PICALM: variants seen among roughly 807,000 people sequenced by gnomAD.
PICALM encodes phosphatidylinositol binding clathrin assembly protein.
Under a neutral mutation model 80.5 loss-of-function variants are expected in PICALM, and 40 were observed. The ratio of observed to expected loss-of-function variants is 0.50; its 90% CI spans 0.39 to 0.65. The LOEUF is 0.65. Among genes scored for constraint, PICALM ranks in the 30% least tolerant of loss-of-function variants. PICALM has a pLI of 0.00. For missense variants in PICALM, 676 were observed against 778.9 expected, an observed-to-expected ratio of 0.87 and a Z score of 1.57; for synonymous variants, 288 against 260.3, an observed-to-expected ratio of 1.11 and a Z score of -1.02.
chr11:86,000,893 T>G, intron 10 of PICALM, 114 bp from the exon 11 acceptor site: 1 of 1,483,642 alleles, frequency 6.7e-7, no homozygotes, highest in Non-Finnish European at 9.2e-7. Context: ...TTTACCTAAT[T>G]CTATGTCAGG....
At chr11:86,013,577 AAAC>A (rs2095434226) in intron 5 of PICALM, among the ~76,000 whole-genome samples, 1 of 152,182 alleles carries the variant, frequency 6.6e-6, no homozygotes, top group Non-Finnish European at 1.5e-5. Context: ...AAAACAGAAT[AAAC>A]ATCTATCAAC....
At chr11:86,057,266 C>T (rs895339868) in intron 1 of PICALM, among the ~76,000 whole-genome samples, 1 of 152,136 alleles carries the variant, frequency 6.6e-6, no homozygotes. Flanking sequence ...GGGCCAGGCG[C>T]GGTGGCTCAC....
At chr11:85,981,303 C>G (rs1417603146) in intron 16 of PICALM, 75 bp from the exon 17 acceptor site, 2 of 868,352 alleles carry the variant, frequency 2.3e-6, no homozygotes, top group Non-Finnish European at 3.8e-6. Flanking sequence ...TTATATAGAA[C>G]AGAGTAAGAT....
At chr11:86,022,775 T>C (rs919910859) in intron 3 of PICALM, among the ~76,000 whole-genome samples, 1 of 129,328 alleles carries the variant, frequency 7.7e-6, no homozygotes, top group Non-Finnish European at 1.6e-5. Flanking sequence ...AGAAAAACGT[T>C]CTTTTACACA....
chr11:85,995,217 TAAGAC>T (rs1205911726), intron 12 of PICALM, among the ~76,000 whole-genome samples: 1 of 152,202 alleles, frequency 6.6e-6, no homozygotes, highest in Non-Finnish European at 1.5e-5. Context: ...ATATGAAAGT[TAAGAC>T]AGGATTTAAT....
intron 11 of PICALM, among the ~76,000 whole-genome samples, chr11:85,999,333 C>T (rs1265545984): frequency 6.6e-6 from 1 of 152,116 alleles, no homozygotes; most frequent in Admixed American, 6.5e-5. Context: ...GTAAGATTTG[C>T]CCTTAATTAC....
At chr11:86,049,782 C>A (rs575675129) in intron 1 of PICALM, among the ~76,000 whole-genome samples, 3 of 151,528 alleles carry the variant, frequency 2.0e-5, no homozygotes, top group East Asian at 3.9e-4. Context: ...TTCTGCCCAT[C>A]CCCTTCCAAA....
intron 1 of PICALM, among the ~76,000 whole-genome samples, chr11:86,061,351 A>AAG (rs2096362437): frequency 6.9e-6 from 1 of 144,986 alleles, no homozygotes; most frequent in African/African-American, 2.6e-5. Context: ...AAAAAAAAAA[A>AAG]AAAAGAAAAG....
intron 6 of PICALM, among the ~76,000 whole-genome samples, chr11:86,011,853 T>G (rs1033923334): frequency 6.7e-6 from 1 of 148,848 alleles, no homozygotes; most frequent in African/African-American, 2.4e-5. Flanking sequence ...TCCTTTTTGT[T>G]TTTTTTTTTT....
chr11:86,038,728 G>C (rs960817513), intron 1 of PICALM, among the ~76,000 whole-genome samples: 8 of 148,062 alleles, frequency 5.4e-5, no homozygotes, highest in African/African-American at 2.0e-4. Flanking sequence ...TGCGAGCTGA[G>C]ATCACACCAC....
intron 3 of PICALM, chr11:86,023,595 C>T: frequency 6.1e-6 from 6 of 982,990 alleles, no homozygotes; most frequent in Non-Finnish European, 7.2e-6. Context: ...TGCTTAATTT[C>T]CATCTTAAGA....
At chr11:85,981,718 A>G (rs1306724875) in intron 16 of PICALM, 27 bp downstream of exon 16, 2 of 1,561,924 alleles carry the variant, frequency 1.3e-6, no homozygotes, top group South Asian at 2.2e-5. Flanking sequence ...ACACACGGAG[A>G]AAACAATGTG....
intron 19 of PICALM, among the ~76,000 whole-genome samples, chr11:85,970,446 T>C (rs1222827568): frequency 6.6e-6 from 1 of 152,206 alleles, no homozygotes; most frequent in Admixed American, 6.5e-5. Context: ...CTCTTATAAA[T>C]AGGGAGGCTT....
chr11:86,022,220 A>C (rs2095576401), intron 4 of PICALM, 147 bp downstream of exon 4: 2 of 504,914 alleles, frequency 4.0e-6, no homozygotes, highest in East Asian at 6.9e-5. Context: ...ATCCTACCAC[A>C]AAAAGTACTT....
chr11:85,998,767 G>C (rs1175473325), intron 11 of PICALM, among the ~76,000 whole-genome samples: 1 of 152,116 alleles, frequency 6.6e-6, no homozygotes, highest in African/African-American at 2.4e-5. Flanking sequence ...GACAGAGTAA[G>C]TCACTGTCTC....
chr11:86,031,434 C>A, intron 2 of PICALM, 35 bp downstream of exon 2: 1 of 1,555,268 alleles, frequency 6.4e-7, no homozygotes, highest in East Asian at 2.3e-5. Flanking sequence ...TAAGTCAACA[C>A]ATCAGTATAC....
chr11:86,024,374 T>A lies in PICALM; in HGVS notation c.350-1905A>T, dbSNP rs373101389. Among the ~76,000 whole-genome samples, 34 of 149,782 alleles carry A rather than the reference T, an allele frequency of 2.3e-4. No homozygotes were observed. In the East Asian group the frequency reaches 3.9e-3, roughly 17 times the overall value. On this transcript the variant is annotated intron_variant, in intron 3 of 19. Coordinates refer to ENST00000393346, the MANE Select transcript of PICALM (RefSeq NM_007166.4). ...CCTGCACTTACCAAAGGGAAACAAG[T>A]ATTGGACTGAACACCTCCAAACTCA...
chr11:86,063,138 TAAAC>T (rs1310941758), intron 1 of PICALM, among the ~76,000 whole-genome samples: 1 of 152,156 alleles, frequency 6.6e-6, no homozygotes, highest in East Asian at 1.9e-4. Flanking sequence ...CATGGCCAAA[TAAAC>T]AAATATTTTT....
chr11:86,051,911 A>G (rs2096195313), intron 1 of PICALM, among the ~76,000 whole-genome samples: 1 of 152,244 alleles, frequency 6.6e-6, no homozygotes, highest in Non-Finnish European at 1.5e-5. Context: ...TGTGGAAAAT[A>G]AAGCCAATAA....
Sources: gnomAD v4.1 joint callset for allele counts (sites outside exome capture counted in the v4.1 genomes callset) on GRCh38, gnomAD v4.1.1 for gene constraint, MANE v1.5 for transcripts, NCBI Gene and HGNC (gene_info 2026-07-23, HGNC 2026-07-21) for gene names.